ARHGAP24: variants seen among roughly 807,000 people sequenced by gnomAD.
ARHGAP24 encodes rho GTPase-activating protein 24.
In ARHGAP24, 50 loss-of-function variants were observed where a neutral mutation model predicts 76.4. The observed-to-expected ratio is 0.65, with a 90% confidence interval of 0.52 to 0.83. The LOEUF (loss-of-function observed/expected upper bound fraction) is 0.83. ARHGAP24 is among the 40% of genes least tolerant of loss of function. The pLI is 0.00. For missense variants in ARHGAP24, 930 were observed against 914.2 expected, an observed-to-expected ratio of 1.02 and a Z score of -0.22; for synonymous variants, 345 against 323.3, an observed-to-expected ratio of 1.07 and a Z score of -0.72.
At chr4:85,742,106 C>T (rs343847) in intron 3 of ARHGAP24, among the ~76,000 whole-genome samples, 2,444 of 152,146 alleles carry the variant, frequency 0.016, 23 homozygotes, top group Middle Eastern at 0.031. Flanking sequence ...TGCCATGTGA[C>T]TTGTAGAAGG....
At chr4:85,939,293 ATTATGAGAAAATGAGGAC>A (rs1018372737) in intron 4 of ARHGAP24, among the ~76,000 whole-genome samples, 9 of 152,242 alleles carry the variant, frequency 5.9e-5, no homozygotes, top group Non-Finnish European at 1.2e-4. Context: ...AATATTTTTA[ATTATGAGAAAATGAGGAC>A]TCATGACTGT....
At chr4:85,580,431 T>G (rs973011861) in intron 2 of ARHGAP24, among the ~76,000 whole-genome samples, 2 of 152,158 alleles carry the variant, frequency 1.3e-5, no homozygotes, top group Non-Finnish European at 2.9e-5. Flanking sequence ...ACCTTTCAGC[T>G]CTCAGAATTG....
At chr4:85,872,642 G>A (rs1331364621) in intron 3 of ARHGAP24, among the ~76,000 whole-genome samples, 1 of 115,626 alleles carries the variant, frequency 8.6e-6, no homozygotes, top group Non-Finnish European at 1.6e-5. Context: ...CTGTCACAAA[G>A]CTTGGAGTAC....
rs780543530 is a variant in ARHGAP24 at position 85,995,071 on chromosome 4, G to T, written c.1417G>T (p.Gly473Cys). 1 of 1,614,004 alleles carries T rather than the reference G, an allele frequency of 6.2e-7. No individual in the cohort carries two copies. ...ACTGAAGGTATCTGGTACCAAAATG[G>T]GCACGCACAGTGTACAGAATGGAAC... ...SSLKVSGTKM[G>C]THSVQNGTVR... Residue 473 changes from glycine (G) to cysteine (C), a missense_variant, in exon 9 of 10, where the codon GGC becomes TGC. Gly to Cys is a radical substitution (Grantham distance 159). Transcript: ENST00000395184.
intron 3 of ARHGAP24, among the ~76,000 whole-genome samples, chr4:85,813,407 A>G (rs745464790): frequency 6.6e-6 from 1 of 152,222 alleles, no homozygotes; most frequent in Non-Finnish European, 1.5e-5. Flanking sequence ...AAATAAAATA[A>G]TAACCAAATG....
intron 3 of ARHGAP24, among the ~76,000 whole-genome samples, chr4:85,733,404 TATG>T (rs1725492536): frequency 6.6e-6 from 1 of 152,092 alleles, no homozygotes. Flanking sequence ...AAACTGTTAT[TATG>T]AAGGGGCACT....
chr4:85,690,592 G>A (rs1297830665), intron 2 of ARHGAP24, among the ~76,000 whole-genome samples: 1 of 151,958 alleles, frequency 6.6e-6, no homozygotes, highest in African/African-American at 2.4e-5. Flanking sequence ...TTTCTAATGT[G>A]TGTGCATAGA....
At chr4:85,694,082 C>G (rs370496675) in intron 2 of ARHGAP24, among the ~76,000 whole-genome samples, 6 of 152,282 alleles carry the variant, frequency 3.9e-5, no homozygotes, top group African/African-American at 1.4e-4. Context: ...CTTCCTACCT[C>G]TTCAGCTTCA....
chr4:85,872,145 A>G (rs545634915), intron 3 of ARHGAP24, among the ~76,000 whole-genome samples: 1 of 152,100 alleles, frequency 6.6e-6, no homozygotes, highest in Non-Finnish European at 1.5e-5. Flanking sequence ...TTATATTTTG[A>G]TTACAGCCTA....
At chr4:85,836,135 C>G (rs1163706936) in intron 3 of ARHGAP24, among the ~76,000 whole-genome samples, 1 of 152,124 alleles carries the variant, frequency 6.6e-6, no homozygotes, top group African/African-American at 2.4e-5. Flanking sequence ...TTGTTGTTAC[C>G]TTATCTGGGT....
At chr4:85,985,022 A>G (rs1327387221) in intron 8 of ARHGAP24, among the ~76,000 whole-genome samples, 1 of 152,130 alleles carries the variant, frequency 6.6e-6, no homozygotes, top group African/African-American at 2.4e-5. Flanking sequence ...GGGTTTCACC[A>G]TGTTGGCCAG....
At chr4:85,694,968 G>A (rs115191520) in intron 2 of ARHGAP24, among the ~76,000 whole-genome samples, 5 of 152,226 alleles carry the variant, frequency 3.3e-5, no homozygotes, top group African/African-American at 9.6e-5. Flanking sequence ...AAATGCAAGT[G>A]CAACTGTTAG....
chr4:85,655,818 A>AAAGAGAG (rs1722141470), intron 2 of ARHGAP24, among the ~76,000 whole-genome samples: 13 of 35,504 alleles, frequency 3.7e-4, no homozygotes, highest in Non-Finnish European at 5.7e-4. Context: ...GAGAGAGAGA[A>AAAGAGAG]AGAGAGAGAG....
intron 1 of ARHGAP24, among the ~76,000 whole-genome samples, chr4:85,514,500 A>T (rs966083570): frequency 2.6e-5 from 4 of 152,100 alleles, no homozygotes; most frequent in African/African-American, 9.7e-5. Context: ...TGTATATTTA[A>T]TAAATAATCA....
intron 3 of ARHGAP24, among the ~76,000 whole-genome samples, chr4:85,805,929 T>C (rs1419690727): frequency 6.6e-6 from 1 of 152,182 alleles, no homozygotes; most frequent in Non-Finnish European, 1.5e-5. Flanking sequence ...CACAGAATTT[T>C]GGATATGATT....
intron 2 of ARHGAP24, among the ~76,000 whole-genome samples, chr4:85,626,846 T>C (rs1021496680): frequency 4.6e-5 from 7 of 152,190 alleles, no homozygotes; most frequent in African/African-American, 1.4e-4. Context: ...TCACTGATAC[T>C]CTTTCTTCTA....
At chr4:85,758,877 GAA>G (rs1284557979) in intron 3 of ARHGAP24, among the ~76,000 whole-genome samples, 3 of 152,202 alleles carry the variant, frequency 2.0e-5, no homozygotes, top group Non-Finnish European at 2.9e-5. Context: ...CCGTTCCAAG[GAA>G]AAGAGAGGCT....
At chr4:85,495,341 A>ATTTTT (rs35138716) in intron 1 of ARHGAP24, among the ~76,000 whole-genome samples, 1 of 53,092 alleles carries the variant, frequency 1.9e-5, no homozygotes, top group African/African-American at 6.3e-5. Context: ...GAAGTACAGA[A>ATTTTT]TTTTTTTTTT....
At chr4:85,778,977 A>G in intron 3 of ARHGAP24, 1 of 985,312 alleles carries the variant, frequency 1.0e-6, no homozygotes, top group Non-Finnish European at 1.2e-6. Context: ...TACTGTTTTT[A>G]CTCATTTAAA....
Sources: gnomAD v4.1 joint callset for allele counts (sites outside exome capture counted in the v4.1 genomes callset) on GRCh38, gnomAD v4.1.1 for gene constraint, MANE v1.5 for transcripts, NCBI Gene and HGNC (gene_info 2026-07-23, HGNC 2026-07-21) for gene names.